Variants in GSG1L observed in about 807,000 individuals in gnomAD.
The protein encoded by GSG1L is GSG1 like.
In GSG1L, 24 loss-of-function variants were observed where a neutral mutation model predicts 42.1. The observed-to-expected ratio is 0.57, with a 90% CI of 0.41 to 0.80. The LOEUF is 0.80. Among genes scored for constraint, GSG1L ranks in the 30% least tolerant of loss-of-function variants. The pLI is 0.00. For missense variants in GSG1L, 445 were observed against 472.2 expected, an observed-to-expected ratio of 0.94 and a Z score of 0.53; for synonymous variants, 215 against 203.5, an observed-to-expected ratio of 1.06 and a Z score of -0.48.
intron 4 of GSG1L, among the ~76,000 whole-genome samples, chr16:27,831,057 A>G (rs1388513895): frequency 6.6e-6 from 1 of 152,202 alleles, no homozygotes; most frequent in African/African-American, 2.4e-5. Context: ...GGCAACAGTA[A>G]TTGGTTGGGG....
intron 3 of GSG1L, among the ~76,000 whole-genome samples, chr16:27,882,879 G>C (rs965857615): frequency 6.6e-6 from 1 of 152,204 alleles, no homozygotes; most frequent in African/African-American, 2.4e-5. Context: ...GCTGAAGCAG[G>C]AGGATTACTT....
At chr16:28,054,815 C>A (rs555182902) in intron 1 of GSG1L, among the ~76,000 whole-genome samples, 2 of 151,922 alleles carry the variant, frequency 1.3e-5, no homozygotes, top group African/African-American at 4.8e-5. Flanking sequence ...GCCTGCAGAT[C>A]AGATGTCTTT....
At chr16:28,017,381 G>C (rs918158561) in intron 1 of GSG1L, among the ~76,000 whole-genome samples, 1 of 152,234 alleles carries the variant, frequency 6.6e-6, no homozygotes, top group Non-Finnish European at 1.5e-5. Flanking sequence ...GTGAGGATAA[G>C]TAGGTGCAAC....
intron 5 of GSG1L, among the ~76,000 whole-genome samples, chr16:27,812,653 G>A (rs1048348578): frequency 2.4e-4 from 36 of 152,244 alleles, no homozygotes; most frequent in African/African-American, 8.2e-4. Context: ...TGCAGCCTGG[G>A]TTGAAAACCA....
At chr16:28,057,396 G>A (rs749609604) in intron 1 of GSG1L, among the ~76,000 whole-genome samples, 8 of 152,162 alleles carry the variant, frequency 5.3e-5, no homozygotes, top group Admixed American at 2.0e-4. Context: ...GAAGGGAAGG[G>A]CGGCAATTCG....
intron 3 of GSG1L, among the ~76,000 whole-genome samples, chr16:27,882,811 A>G (rs1022201311): frequency 1.3e-5 from 2 of 152,174 alleles, no homozygotes; most frequent in African/African-American, 4.8e-5. Flanking sequence ...TTTCTCCACA[A>G]GATCACAAAC....
At chr16:27,894,747 C>T (rs1596593590) in intron 2 of GSG1L, among the ~76,000 whole-genome samples, 1 of 152,142 alleles carries the variant, frequency 6.6e-6, no homozygotes, top group Non-Finnish European at 1.5e-5. Flanking sequence ...GGTCACTGAG[C>T]CCCCAGCCCT....
chr16:27,810,416 G>A (rs913771689), intron 5 of GSG1L, among the ~76,000 whole-genome samples: 1 of 152,208 alleles, frequency 6.6e-6, no homozygotes, highest in Non-Finnish European at 1.5e-5. Flanking sequence ...GCTACGGTGA[G>A]CCATGATCTC....
chr16:27,960,376 C>T (rs182072326), intron 2 of GSG1L, among the ~76,000 whole-genome samples: 81 of 152,282 alleles, frequency 5.3e-4, no homozygotes, highest in Non-Finnish European at 7.8e-4. Context: ...CTCAGCATAG[C>T]ACCTGGCACA....
chr16:27,962,138 C>T (rs1402999155), intron 2 of GSG1L, among the ~76,000 whole-genome samples: 1 of 152,184 alleles, frequency 6.6e-6, no homozygotes, highest in Admixed American at 6.5e-5. Context: ...AGCCACACTC[C>T]CCCGTGTCCC....
chr16:28,004,233 CA>C (rs2085611872), intron 1 of GSG1L, among the ~76,000 whole-genome samples: 1 of 152,210 alleles, frequency 6.6e-6, no homozygotes, highest in Non-Finnish European at 1.5e-5. Context: ...CCCTTGCCGC[CA>C]AGGCCCCAAG....
intron 1 of GSG1L, among the ~76,000 whole-genome samples, chr16:28,003,856 A>AG (rs1474161828): frequency 1.3e-5 from 2 of 152,334 alleles, no homozygotes; most frequent in East Asian, 3.9e-4. Flanking sequence ...CCCCAGAAGC[A>AG]GGGGCAACAA....
intron 1 of GSG1L, among the ~76,000 whole-genome samples, chr16:28,061,218 C>T (rs1567574501): frequency 6.6e-6 from 1 of 152,196 alleles, no homozygotes; most frequent in Non-Finnish European, 1.5e-5. Context: ...CGAAGATGTT[C>T]CTGACAACAA....
chr16:27,899,723 A>G (rs2084235323), intron 2 of GSG1L, among the ~76,000 whole-genome samples: 2 of 152,170 alleles, frequency 1.3e-5, no homozygotes, highest in South Asian at 4.1e-4. Flanking sequence ...TCTCAAAAAC[A>G]TAAATAAATA....
chr16:27,895,537 G>T (rs1188521536), intron 2 of GSG1L, among the ~76,000 whole-genome samples: 1 of 152,148 alleles, frequency 6.6e-6, no homozygotes, highest in Non-Finnish European at 1.5e-5. Context: ...CCATGGTCCA[G>T]GGTTCTAACA....
At chr16:28,036,072 C>T (rs1156649970) in intron 1 of GSG1L, among the ~76,000 whole-genome samples, 1 of 152,154 alleles carries the variant, frequency 6.6e-6, no homozygotes, top group East Asian at 1.9e-4. Flanking sequence ...CCACATCCAC[C>T]CACACGCAAA....
intron 2 of GSG1L, among the ~76,000 whole-genome samples, chr16:27,928,809 G>A (rs1375790115): frequency 2.0e-5 from 3 of 152,216 alleles, no homozygotes; most frequent in Non-Finnish European, 2.9e-5. Flanking sequence ...ACCAGCCGGC[G>A]CTCCACTTAA....
chr16:28,044,860 G>A (rs1326799221), intron 1 of GSG1L, among the ~76,000 whole-genome samples: 1 of 151,858 alleles, frequency 6.6e-6, no homozygotes, highest in East Asian at 1.9e-4. Flanking sequence ...CCTGACCTCA[G>A]GTGATCTGCC....
chr16:27,925,535 A>G (rs1482028232), intron 2 of GSG1L, among the ~76,000 whole-genome samples: 1 of 152,170 alleles, frequency 6.6e-6, no homozygotes, highest in Non-Finnish European at 1.5e-5. Flanking sequence ...TAGACACAGA[A>G]AAGCTGAGCT....
Sources: allele counts gnomAD v4.1 joint callset (sites outside exome capture counted in the v4.1 genomes callset), GRCh38; gene constraint gnomAD v4.1.1; transcripts MANE v1.5; gene names NCBI Gene and HGNC (gene_info 2026-07-23, HGNC 2026-07-21).